INSIG1: variants seen among roughly 807,000 people sequenced by gnomAD.
The protein encoded by INSIG1 is insulin-induced gene 1 protein.
INSIG1 carries 14 observed loss-of-function variants against 26.5 expected under a neutral mutation model. That is an observed-to-expected ratio of 0.53 (90% CI 0.35 to 0.83). The LOEUF is 0.83. INSIG1 is among the 40% of genes least tolerant of loss of function. The pLI is 0.01. For synonymous variants in INSIG1, 147 were observed against 153.3 expected, an observed-to-expected ratio of 0.96 and a Z score of 0.30; for missense variants, 272 against 368.9, an observed-to-expected ratio of 0.74 and a Z score of 2.15.
At position 155,298,400 on chromosome 7, in the gene INSIG1, A is replaced by G; in HGVS notation, c.115A>G (p.Asn39Asp). The G allele has an allele frequency of 6.4e-7, 1 of 1,562,438 alleles. No homozygotes were observed. Among genetic ancestry groups the G allele is most frequent in the Non-Finnish European group, 8.7e-7 (1 of 1,154,924 alleles). The stretch of plus-strand genomic sequence containing the variant: ...GGCGGCCAAGGTTGGGGAGATGATC[A>G]ACGTTTCCGTGTCCGGGCCCTCCCT... ...GLAAKVGEMI[N>D]VSVSGPSLLA... The change falls in exon 2 of 6, where the codon AAC (asparagine) becomes GAC (aspartate). Residue 39 changes from asparagine (N) to aspartate (D), a missense_variant. Asn to Asp is a conservative substitution (Grantham distance 23). This residue lies in a region of INSIG1 where 161 missense variants were observed against 179.2 expected (regional missense o/e 0.90). Coordinates refer to ENST00000340368, the MANE Select transcript of INSIG1 (RefSeq NM_005542.6).
In INSIG1 at chr7:155,306,961, G is replaced by A. The variant is rs574110193; in HGVS notation, c.805-1280G>A. On this transcript the variant is annotated intron_variant, in intron 5 of 5. Coordinates refer to ENST00000340368, the MANE Select transcript of INSIG1 (RefSeq NM_005542.6). ...GGGCTGGCTGTCGTTCGTCTCTGGC[G>A]TCTTTGCCAGGCCTCACTGTGGCCT... Among the ~76,000 whole-genome samples the A allele has an allele frequency of 1.1e-4, 16 of 152,356 alleles. No individual in the cohort carries two copies. The East Asian group carries it at 1.5e-3, about 15-fold the overall frequency.
At chr7:155,300,436 A>AT (rs11458882) in intron 2 of INSIG1, among the ~76,000 whole-genome samples, 9,008 of 152,224 alleles carry the variant, frequency 0.059, 657 homozygotes, top group African/African-American at 0.16. Flanking sequence ...TGAAAACAAC[A>AT]TTTTTTATCT....
rs139499214 is a variant in INSIG1, at chr7:155,305,908, C to G, written c.805-2333C>G. On this transcript the variant is annotated intron_variant, in intron 5 of 5. Transcript: ENST00000340368. ...GCTTTTTCTATGTGGTATTTCCCCC[C>G]ACACATGCCGTTGTCCTTTGTGTCC... Among the ~76,000 whole-genome samples the G allele has an allele frequency of 4.6e-5, 7 of 152,358 alleles. No homozygotes were observed. In the East Asian group the frequency reaches 1.2e-3, roughly 25 times the overall value.
intron 5 of INSIG1, among the ~76,000 whole-genome samples, chr7:155,307,969 A>G (rs1797979824): frequency 6.6e-6 from 1 of 152,210 alleles, no homozygotes; most frequent in African/African-American, 2.4e-5. Flanking sequence ...GGGCCTCAGC[A>G]GCGTAATTTC....
At chr7:155,298,890 C>T (rs949069807) in intron 2 of INSIG1, among the ~76,000 whole-genome samples, 193 bp downstream of exon 2, 2 of 152,216 alleles carry the variant, frequency 1.3e-5, no homozygotes, top group Non-Finnish European at 2.9e-5. Context: ...CGGGTTCGGG[C>T]CACAGCTCTC....
chr7:155,298,393 G>C lies in INSIG1; in HGVS notation c.108G>C (p.Glu36Asp). ...CGGGGCTGGCGGCCAAGGTTGGGGA[G>C]ATGATCAACGTTTCCGTGTCCGGGC... ...SAAGLAAKVG[E>D]MINVSVSGPS... Residue 36 changes from glutamate to aspartate, a missense_variant, in exon 2 of 6, where the codon GAG becomes GAC. Glu to Asp is a conservative substitution (Grantham distance 45). Transcript: ENST00000340368. 6.4e-7 allele frequency: 1 copy of C among 1,562,522 alleles called. No homozygotes were observed. The highest frequency in any genetic ancestry group is 8.7e-7 in the Non-Finnish European group (1 of 1,155,260).
At chr7:155,306,300 C>A (rs1797934200) in intron 5 of INSIG1, among the ~76,000 whole-genome samples, 1 of 152,208 alleles carries the variant, frequency 6.6e-6, no homozygotes. Flanking sequence ...GCGCCCGGCC[C>A]AGCCTGTATG....
At position 155,302,334 on chromosome 7, in the gene INSIG1, C is replaced by T. The variant is rs1585203760; in HGVS notation, c.621C>T (p.Ser207=). The change falls in exon 4 of 6, where the codon TCC becomes TCT. Residue 207 remains serine (S), a synonymous_variant. Coordinates refer to ENST00000340368, the MANE Select transcript of INSIG1 (RefSeq NM_005542.6). The surrounding 1 kb of genome is among the most constrained non-coding windows in gnomAD (Gnocchi z 4.3). ...SLGLWWTFDR[S]RSGLGLGITI... is the part of the protein sequence containing the mutation. The stretch of plus-strand genomic sequence containing the variant: ...GCCTTTGGTGGACATTTGATCGTTC[C>T]AGAAGTGGCCTTGGGCTGGGGATCA... 1.2e-6 allele frequency: 2 copies of T among 1,611,298 alleles called. No individual in the cohort carries two copies. Among genetic ancestry groups the T allele is most frequent in the Admixed American group, 1.7e-5 (1 of 59,402 alleles).
chr7:155,307,349 G>T (rs1797964227), intron 5 of INSIG1, among the ~76,000 whole-genome samples: 1 of 152,202 alleles, frequency 6.6e-6, no homozygotes, highest in Non-Finnish European at 1.5e-5. Flanking sequence ...TGCTGAAGGT[G>T]AGGAGCTCAG....
chr7:155,298,803 G>A, intron 2 of INSIG1, 106 bp downstream of exon 2: 1 of 1,093,046 alleles, frequency 9.1e-7, no homozygotes, highest in Non-Finnish European at 1.3e-6. Flanking sequence ...ACTATCCACA[G>A]ATTGAAAGTG....
At chr7:155,303,679 A>T in intron 5 of INSIG1, 1 of 296,272 alleles carries the variant, frequency 3.4e-6, no homozygotes, top group South Asian at 3.2e-5. Context: ...TTTAAATGTT[A>T]TTTTGAGTTG....
rs749772845 is a variant in INSIG1 at position 155,302,111 on chromosome 7, T to C, written c.538-140T>C. On this transcript the variant is annotated intron_variant, in intron 3 of 5. Coordinates refer to ENST00000340368, the MANE Select transcript of INSIG1 (RefSeq NM_005542.6). The surrounding 1 kb of genome is among the most constrained non-coding windows in gnomAD (Gnocchi z 4.3). ...ACCTGTATCCAACAAATCCTTTCTTTAGCTTATTACACAGTTTTTATGGAC... is the reference window on the plus strand; with the variant it reads ...ACCTGTATCCAACAAATCCTTTCTTCAGCTTATTACACAGTTTTTATGGAC... 7 of 578,182 alleles carry C rather than the reference T, an allele frequency of 1.2e-5. No homozygotes were observed. Among genetic ancestry groups the C allele is most frequent in the Non-Finnish European group, 2.0e-5 (7 of 353,730 alleles). The allele number at this position is 578,182 out of a possible 1,614,324, so 35.8% of individuals were successfully genotyped here.
rs1022544256 is a variant in INSIG1, at chr7:155,303,979, T to C, written c.804+1133T>C. On this transcript the variant is annotated intron_variant, in intron 5 of 5. Coordinates refer to ENST00000340368, the MANE Select transcript of INSIG1 (RefSeq NM_005542.6). The stretch of plus-strand genomic sequence containing the variant: ...GAGAAGAAAGGACTTTGCTTGCCTT[T>C]TTTTTTTTTTTTTTTTTTTGAGACA... 7.1e-4 allele frequency: 27 copies of C among 37,776 alleles called. No homozygotes were observed. The African/African-American group carries it at 0.015, about 22-fold the overall frequency. The allele number at this position is 37,776 out of a possible 1,614,324, so 2.3% of individuals were successfully genotyped here.
At chr7:155,303,728 A>G (rs986515148) in intron 5 of INSIG1, 3 of 498,280 alleles carry the variant, frequency 6.0e-6, no homozygotes, top group East Asian at 7.5e-5. Context: ...AAAAAAAACA[A>G]CAAAAACCTA....
chr7:155,305,682 G>T (rs1187288228), intron 5 of INSIG1, among the ~76,000 whole-genome samples: 2 of 152,134 alleles, frequency 1.3e-5, no homozygotes, highest in Admixed American at 1.3e-4. Flanking sequence ...CCAGATCCAG[G>T]GTAATTTGAG....
At chr7:155,304,432 A>C (rs1797880257) in intron 5 of INSIG1, among the ~76,000 whole-genome samples, 1 of 152,248 alleles carries the variant, frequency 6.6e-6, no homozygotes, top group African/African-American at 2.4e-5. Context: ...AATTCCTAAG[A>C]AGGTTTTTAG....
intron 5 of INSIG1, 26 bp from the exon 6 acceptor site, chr7:155,308,215 C>T: frequency 6.4e-6 from 7 of 1,095,494 alleles, no homozygotes; most frequent in African/African-American, 1.6e-5. Flanking sequence ...TTTCTCTTTC[C>T]TTTTTTTTTT....
At chr7:155,301,204 C>T (rs984842206) in intron 2 of INSIG1, among the ~76,000 whole-genome samples, 10 of 152,310 alleles carry the variant, frequency 6.6e-5, no homozygotes, top group Middle Eastern at 3.4e-3. Flanking sequence ...GATGAAAAGA[C>T]AAGGTGAACT....
At position 155,298,495 on chromosome 7, in the gene INSIG1, C is replaced by A; in HGVS notation, c.210C>A (p.Pro70=). 1 of 1,573,076 alleles carries A rather than the reference C, an allele frequency of 6.4e-7. No individual in the cohort carries two copies. Among genetic ancestry groups the A allele is most frequent in the East Asian group, 2.3e-5 (1 of 42,684 alleles). ...GCCGCAGTGCTGCGATGAGCGGCCC[C>A]GAGCCCGGCAGCCCCTACCCCAACA... ...PRGRSAAMSG[P]EPGSPYPNTW... Residue 70 remains proline, a synonymous_variant, in exon 2 of 6, where the codon CCC becomes CCA. Transcript: ENST00000340368.
Sources: gnomAD v4.1 joint callset for allele counts (sites outside exome capture counted in the v4.1 genomes callset) on GRCh38, gnomAD v4.1.1 for gene constraint, gnomAD v4.1.1 regional missense constraint, Gnocchi (gnomAD v3.1) non-coding constraint, MANE v1.5 for transcripts, NCBI Gene and HGNC (gene_info 2026-07-23, HGNC 2026-07-21) for gene names.